The following OTUD7B variants were observed in gnomAD, a reference collection of about 807,000 sequenced individuals.
OTUD7B encodes the protein OTU domain-containing protein 7B.
OTUD7B carries 34 observed loss-of-function variants against 82.2 expected under a neutral mutation model. That is an observed-to-expected ratio of 0.41 (90% confidence interval 0.31 to 0.55). OTUD7B has a LOEUF of 0.55. Ranked by LOEUF, OTUD7B falls within the 20% of genes least tolerant of loss-of-function variation. The probability of loss-of-function intolerance (pLI) is 0.20; values close to 1 mark genes in which losing one functional copy is unlikely to be tolerated. For synonymous variants in OTUD7B, 398 were observed against 402.7 expected (o/e 0.99, Z 0.14); for missense variants, 944 against 1,062.1 (o/e 0.89, Z 1.55).
At chr1:149,999,061 C>T (rs2101921913) in intron 1 of OTUD7B, among the ~76,000 whole-genome samples, 1 of 152,270 alleles carries the variant, frequency 6.6e-6, no homozygotes, top group East Asian at 1.9e-4. Flanking sequence ...TCCTCCTTGG[C>T]ATCTCCTTAG....
intron 7 of OTUD7B, among the ~76,000 whole-genome samples, chr1:149,955,724 T>C (rs1553774426): frequency 1.3e-5 from 2 of 152,200 alleles, no homozygotes. Flanking sequence ...ATCTCGGTGC[T>C]CCTGTATTGG....
chr1:150,028,318 G>A, the OTUD7B span, among the ~76,000 whole-genome samples: 457 of 152,204 alleles, frequency 3.0e-3, 4 homozygotes, highest in African/African-American at 9.6e-3. Flanking sequence ...TAAAAGGTTC[G>A]GGATTCTCAA....
intron 7 of OTUD7B, among the ~76,000 whole-genome samples, chr1:149,957,255 G>C (rs1275044063): frequency 2.0e-5 from 3 of 151,738 alleles, no homozygotes; most frequent in East Asian, 1.9e-4. Flanking sequence ...CCTTCTAACA[G>C]TCAGGACCCT....
intron 1 of OTUD7B, among the ~76,000 whole-genome samples, chr1:150,003,106 C>T (rs1553785289): frequency 6.6e-6 from 1 of 151,978 alleles, no homozygotes; most frequent in Non-Finnish European, 1.5e-5. Flanking sequence ...AAAAATTAGC[C>T]GGGCATGGTG....
At chr1:150,050,523 C>A in the OTUD7B span, 1 of 152,252 alleles carries the variant, frequency 6.6e-6, no homozygotes, top group South Asian at 2.1e-4. Flanking sequence ...TTCAACAAAT[C>A]TTCCAAGTCC....
At position 149,939,490 on chromosome 1, in the gene OTUD7B, T is replaced by C. The variant is rs928423108; in HGVS notation, c.*4367A>G. ...AGAAGAGACAGAATGCCTGCATGACTCATCCAGATCTATAGTTGAAAGGCC... is the reference window on the plus strand; with the variant it reads ...AGAAGAGACAGAATGCCTGCATGACCCATCCAGATCTATAGTTGAAAGGCC... On this transcript the variant is annotated 3_prime_UTR_variant, in exon 12 of 12. Coordinates refer to ENST00000581312, the MANE Select transcript of OTUD7B (RefSeq NM_020205.4). 2 of 152,152 alleles carry C rather than the reference T, an allele frequency of 1.3e-5. No individual in the cohort carries two copies. Among genetic ancestry groups the C allele is most frequent in the Admixed American group, 6.5e-5 (1 of 15,268 alleles). 9.4% of individuals were successfully genotyped at this position (152,152 alleles called of 1,614,324 possible).
intron 2 of OTUD7B, among the ~76,000 whole-genome samples, chr1:149,972,793 T>A (rs975219682): frequency 1.3e-5 from 2 of 152,224 alleles, no homozygotes; most frequent in Non-Finnish European, 2.9e-5. Context: ...ACGAGTGACA[T>A]CTGCCTTGAG....
chr1:150,046,503 AG>A, the OTUD7B span, among the ~76,000 whole-genome samples: 1 of 137,734 alleles, frequency 7.3e-6, no homozygotes, highest in Admixed American at 7.9e-5. Context: ...GCTGGAGTAC[AG>A]TGGGGCGATC....
the OTUD7B span, chr1:150,054,529 A>C: frequency 2.2e-6 from 1 of 463,968 alleles, no homozygotes; most frequent in Admixed American, 2.4e-5. Flanking sequence ...AGCTGCAGGC[A>C]GGGCATGGTG....
chr1:150,014,513 G>A (rs1240285459), upstream of OTUD7B, among the ~76,000 whole-genome samples: 1 of 151,298 alleles, frequency 6.6e-6, no homozygotes, highest in Non-Finnish European at 1.5e-5. Flanking sequence ...AAATATATGT[G>A]TACACAAAAA....
the OTUD7B span, among the ~76,000 whole-genome samples, chr1:150,046,953 C>A: frequency 7.9e-5 from 12 of 152,028 alleles, no homozygotes; most frequent in Non-Finnish European, 1.6e-4. Context: ...TGCCTGTAAT[C>A]CCAGCTACTG....
intron 4 of OTUD7B, among the ~76,000 whole-genome samples, chr1:149,967,004 G>A (rs1553776693): frequency 2.0e-5 from 3 of 151,708 alleles, no homozygotes; most frequent in Non-Finnish European, 1.5e-5. Flanking sequence ...GGTGTTCCAG[G>A]GCCAATTATA....
chr1:149,944,194 C>G lies in OTUD7B; in HGVS notation c.2195G>C (p.Arg732Thr), dbSNP rs587705269. 1.6e-4 allele frequency: 257 copies of G among 1,613,740 alleles called. 2 individuals carry two copies. In the South Asian group the frequency reaches 2.7e-3, roughly 17 times the overall value. Residue 732 changes from arginine (R) to threonine (T), a missense_variant, in exon 12 of 12, where the codon AGA becomes ACA. By Grantham distance (71) the Arg-to-Thr change is moderately conservative. Around this residue, in one of 3 missense-constraint regions of OTUD7B, gnomAD observed 412 missense variants for 418.7 expected, o/e 0.98. Coordinates refer to ENST00000581312, the MANE Select transcript of OTUD7B (RefSeq NM_020205.4). Reference sequence around the variant, plus strand: ...GTAGGGTCGCCCAGGAGGGCACTGTCTGGGGAAGGTGGCATATGGTGGTAG... The same window carrying G: ...GTAGGGTCGCCCAGGAGGGCACTGTGTGGGGAAGGTGGCATATGGTGGTAG... ...GGLPPYATFP[R>T]QCPPGRPYPH...
the OTUD7B span, chr1:150,048,596 T>C: frequency 2.0e-5 from 3 of 152,038 alleles, no homozygotes; most frequent in Non-Finnish European, 4.4e-5. Flanking sequence ...AAAGGATTGC[T>C]TGAGCCCAAG....
At position 149,940,547 on chromosome 1, in the gene OTUD7B, A is replaced by C. The variant is rs1553770211; in HGVS notation, c.*3310T>G. 6.6e-6 allele frequency: 1 copy of C among 152,050 alleles called. No individual in the cohort carries two copies. Among genetic ancestry groups the C allele is most frequent in the African/African-American group, 2.4e-5 (1 of 41,362 alleles). The allele number at this position is 152,050 out of a possible 1,614,324, so 9.4% of individuals were successfully genotyped here. A position where few individuals can be genotyped will look rare whatever the true frequency, so the allele number is the denominator to read the frequency against. Reference sequence around the variant, plus strand: ...AAAAGGGAAAAACAAGAACCCTGAAAATCTCCCCTCTCCATTAAAAACTTC... The same window carrying C: ...AAAAGGGAAAAACAAGAACCCTGAACATCTCCCCTCTCCATTAAAAACTTC... On this transcript the variant is annotated 3_prime_UTR_variant, in exon 12 of 12. Coordinates refer to ENST00000581312, the MANE Select transcript of OTUD7B (RefSeq NM_020205.4).
chr1:150,013,971 CACAT>C (rs1553787951), upstream of OTUD7B, among the ~76,000 whole-genome samples: 2 of 132,154 alleles, frequency 1.5e-5, no homozygotes, highest in African/African-American at 5.5e-5. Context: ...CACACACACA[CACAT>C]ATATATACAC....
At chr1:149,973,614 T>C (rs958656507) in intron 2 of OTUD7B, among the ~76,000 whole-genome samples, 11 of 150,400 alleles carry the variant, frequency 7.3e-5, no homozygotes, top group Admixed American at 4.0e-4. Flanking sequence ...GCCTCTCGAG[T>C]AACTGGGATA....
At chr1:150,015,452 C>T (rs138955419), upstream of OTUD7B, among the ~76,000 whole-genome samples, 406 of 151,752 alleles carry the variant, frequency 2.7e-3, 2 homozygotes, top group African/African-American at 9.3e-3. Context: ...TGACACCACG[C>T]GTGGCTAATT....
At chr1:150,038,681 C>T in the OTUD7B span, among the ~76,000 whole-genome samples, 1 of 152,168 alleles carries the variant, frequency 6.6e-6, no homozygotes, top group Non-Finnish European at 1.5e-5. Context: ...GCCACCTCGC[C>T]CAGCCTAAGT....
Sources: gnomAD v4.1 joint callset for allele counts (sites outside exome capture counted in the v4.1 genomes callset) on GRCh38, gnomAD v4.1.1 for gene constraint, gnomAD v4.1.1 regional missense constraint, MANE v1.5 for transcripts, NCBI Gene and HGNC (gene_info 2026-07-23, HGNC 2026-07-21) for gene names.